Variants in AGBL1 observed in about 807,000 individuals in gnomAD.
The protein encoded by AGBL1 is cytosolic carboxypeptidase 4.
In AGBL1, 130 loss-of-function variants were observed where a neutral mutation model predicts 118.9. The ratio of observed to expected loss-of-function variants is 1.09; its 90% confidence interval spans 0.95 to 1.26. The LOEUF (loss-of-function observed/expected upper bound fraction) is 1.26, where lower values mean the gene tolerates loss of function less well. AGBL1 is among the 50% of genes most tolerant of loss of function. The pLI, the probability that AGBL1 is intolerant of heterozygous loss-of-function variation, is 0.00. For missense variants in AGBL1, 1,584 were observed against 1,298.1 expected, an observed-to-expected ratio of 1.22 and a Z score of -3.38; for synonymous variants, 555 against 478.9, an observed-to-expected ratio of 1.16 and a Z score of -2.08.
chr15:86,397,351 T>C lies in AGBL1; in HGVS notation c.2375-15T>C. ...AAAATTTGGGTTTAATTTTCTTATG[T>C]CCCTTTTTCTGCAGGACATCGTCCA... On this transcript the variant is annotated splice_polypyrimidine_tract_variant and intron_variant, in intron 17 of 22. Transcript: ENST00000614907. 1 of 1,462,034 alleles carries C rather than the reference T, an allele frequency of 6.8e-7. No individual in the cohort carries two copies. Among genetic ancestry groups the C allele is most frequent in the South Asian group, 1.6e-5 (1 of 63,744 alleles). The allele number at this position is 1,462,034 out of a possible 1,614,324, so 90.6% of individuals were successfully genotyped here. A position where few individuals can be genotyped will look rare whatever the true frequency, so the allele number is the denominator to read the frequency against.
chr15:86,925,151 AGG>A (rs2080520658), intron 23 of AGBL1, among the ~76,000 whole-genome samples: 3 of 121,886 alleles, frequency 2.5e-5, no homozygotes, highest in Admixed American at 7.8e-5. Flanking sequence ...GAAGAGGAGG[AGG>A]AGGAGGAGGA....
At chr15:86,953,469 C>T (rs1189756978) in intron 23 of AGBL1, among the ~76,000 whole-genome samples, 1 of 150,790 alleles carries the variant, frequency 6.6e-6, no homozygotes, top group African/African-American at 2.4e-5. Context: ...TGGCTCACGG[C>T]AACCTCTGCC....
chr15:86,289,965 C>A (rs965285522), intron 16 of AGBL1, among the ~76,000 whole-genome samples: 5 of 152,186 alleles, frequency 3.3e-5, no homozygotes, highest in African/African-American at 4.8e-5. Context: ...TTTAGAGACC[C>A]ATTGTTCTAG....
rs200544184 is a variant in AGBL1 at position 86,257,027 on chromosome 15, A to C, written c.901+9A>C. The C allele has an allele frequency of 6.2e-7, 1 of 1,612,370 alleles. No homozygotes were observed. The highest frequency in any genetic ancestry group is 1.1e-5 in the South Asian group (1 of 90,764). ...ACATGATCTACCTGAAGGTAAAATA[A>C]GTTGGTAACTATGACCTTTAAGATG... On this transcript the variant is annotated intron_variant, in intron 8 of 22. Transcript: ENST00000614907.
chr15:86,883,874 G>A (rs2079931804), intron 22 of AGBL1, among the ~76,000 whole-genome samples: 1 of 152,122 alleles, frequency 6.6e-6, no homozygotes, highest in Non-Finnish European at 1.5e-5. Context: ...GGCACACTGG[G>A]TAACAAATCA....
intron 22 of AGBL1, among the ~76,000 whole-genome samples, chr15:86,798,006 T>C (rs1311987767): frequency 1.3e-5 from 2 of 152,202 alleles, no homozygotes; most frequent in African/African-American, 2.4e-5. Flanking sequence ...CAGCTAAAGC[T>C]TGGGTCCTGC....
rs529839614 is a variant in AGBL1 at position 86,092,434 on chromosome 15, A to C, written c.51+12411A>C. On this transcript the variant is annotated intron_variant, in intron 1 of 22. Transcript: ENST00000614907. ...TAAATAATGGTAGGTTAGATATTTC[A>C]GACCAACCACTGAACTTTAGATAAT... Among the ~76,000 whole-genome samples the C allele has an allele frequency of 1.7e-3, 252 of 152,310 alleles. 1 individual carries two copies. Among genetic ancestry groups the C allele is most frequent in the African/African-American group, 5.9e-3 (247 of 41,580 alleles).
intron 22 of AGBL1, among the ~76,000 whole-genome samples, chr15:86,752,584 G>A (rs57283776): frequency 0.32 from 49,154 of 151,836 alleles, 8,213 homozygotes; most frequent in South Asian, 0.37. Context: ...ACTCAGCCCT[G>A]TTTCTGCTCC....
intron 5 of AGBL1, among the ~76,000 whole-genome samples, chr15:86,218,506 T>G (rs936503240): frequency 6.6e-6 from 1 of 152,182 alleles, no homozygotes; most frequent in African/African-American, 2.4e-5. Context: ...TTCCTGCCTT[T>G]GAGGATGGGA....
chr15:86,396,534 T>C (rs1470491664), intron 17 of AGBL1, among the ~76,000 whole-genome samples: 1 of 152,084 alleles, frequency 6.6e-6, no homozygotes, highest in African/African-American at 2.4e-5. Flanking sequence ...TATTTAACTC[T>C]TTTGTCAAAT....
At chr15:86,530,591 G>A (rs1596232241) in intron 19 of AGBL1, among the ~76,000 whole-genome samples, 1 of 150,528 alleles carries the variant, frequency 6.6e-6, no homozygotes, top group East Asian at 2.0e-4. Context: ...ATTGAACTCA[G>A]CTCTGCACCA....
At chr15:86,144,045 G>A (rs2077000416) in intron 3 of AGBL1, among the ~76,000 whole-genome samples, 200 bp downstream of exon 3, 1 of 152,166 alleles carries the variant, frequency 6.6e-6, no homozygotes, top group Admixed American at 6.5e-5. Context: ...CCAAGGTATG[G>A]TGCTCAGGAC....
At chr15:86,705,293 GAAACA>G (rs374248925) in intron 22 of AGBL1, among the ~76,000 whole-genome samples, 171 of 152,166 alleles carry the variant, frequency 1.1e-3, no homozygotes, top group South Asian at 7.7e-3. Flanking sequence ...TCCCAGAACT[GAAACA>G]AAACAAAACA....
At chr15:86,399,290 C>T (rs191500314) in intron 18 of AGBL1, among the ~76,000 whole-genome samples, 43 of 152,294 alleles carry the variant, frequency 2.8e-4, no homozygotes, top group Admixed American at 2.6e-3. Context: ...TGGCTCCTCC[C>T]TGCTTGAGCA....
intron 5 of AGBL1, among the ~76,000 whole-genome samples, chr15:86,213,269 T>G (rs1281627106): frequency 6.6e-6 from 1 of 152,218 alleles, no homozygotes; most frequent in Non-Finnish European, 1.5e-5. Flanking sequence ...GGAGGCATCC[T>G]GGAGGATCTT....
chr15:86,870,590 G>A (rs1441363703), intron 22 of AGBL1, among the ~76,000 whole-genome samples: 1 of 150,708 alleles, frequency 6.6e-6, no homozygotes, highest in Non-Finnish European at 1.5e-5. Flanking sequence ...ATGCTTACAT[G>A]AGCAGAAATA....
At chr15:86,735,268 AT>A (rs1160373482) in intron 22 of AGBL1, among the ~76,000 whole-genome samples, 2 of 152,016 alleles carry the variant, frequency 1.3e-5, no homozygotes, top group Non-Finnish European at 2.9e-5. Flanking sequence ...TTTAGTAGAA[AT>A]GGGGTTTCAC....
intron 1 of AGBL1, among the ~76,000 whole-genome samples, chr15:86,114,529 T>C (rs576508110): frequency 1.3e-5 from 2 of 152,338 alleles, no homozygotes; most frequent in Admixed American, 1.3e-4. Context: ...AATATCAATA[T>C]GATGTAGATA....
chr15:86,437,217 T>C (rs1320529457), intron 18 of AGBL1, among the ~76,000 whole-genome samples: 1 of 152,180 alleles, frequency 6.6e-6, no homozygotes, highest in Non-Finnish European at 1.5e-5. Flanking sequence ...CTGTCAAATA[T>C]TCGATAGAAT....
Sources: allele counts gnomAD v4.1 joint callset (sites outside exome capture counted in the v4.1 genomes callset), GRCh38; gene constraint gnomAD v4.1.1; transcripts MANE v1.5; gene names NCBI Gene and HGNC (gene_info 2026-07-23, HGNC 2026-07-21).